Variants in BID observed in about 807,000 individuals in gnomAD.
BID encodes BH3 interacting domain death agonist, also known as BH3-interacting domain death agonist.
In BID, 19 loss-of-function variants were observed where a neutral mutation model predicts 17.4. That is an observed-to-expected ratio of 1.09 (90% CI 0.76 to 1.60). The LOEUF is 1.60. Ranked by LOEUF, BID falls within the 40% of genes most tolerant of loss-of-function variation. BID has a pLI of 0.00. For synonymous variants in BID, 108 were observed against 102.8 expected, an observed-to-expected ratio of 1.05 and a Z score of -0.31; for missense variants, 226 against 256.0, an observed-to-expected ratio of 0.88 and a Z score of 0.80.
At chr22:17,770,896 T>C (rs529368424) in intron 1 of BID, among the ~76,000 whole-genome samples, 1 of 152,340 alleles carries the variant, frequency 6.6e-6, no homozygotes, top group South Asian at 2.1e-4. Flanking sequence ...GGCAGGATGC[T>C]CTGCAGAAAG....
At chr22:17,736,755 GCCTCAACCTC>G (rs2061422723) in intron 5 of BID, among the ~76,000 whole-genome samples, 1 of 151,896 alleles carries the variant, frequency 6.6e-6, no homozygotes, top group African/African-American at 2.4e-5. Context: ...CTGAGGAGCT[GCCTCAACCTC>G]CATGACGGCG....
chr22:17,759,168 T>G (rs1293268371), intron 1 of BID, among the ~76,000 whole-genome samples: 1 of 144,028 alleles, frequency 6.9e-6, no homozygotes, highest in African/African-American at 2.6e-5. Context: ...GAGGCAGAGG[T>G]TGCAGTGAGC....
rs8190296 is a variant in BID at position 17,749,226 on chromosome 22, A to AC, written c.12+878dup. Among the ~76,000 whole-genome samples, 1,484 of 152,236 alleles carry AC rather than the reference A, an allele frequency of 9.7e-3. 12 individuals are homozygous for AC. The highest frequency in any genetic ancestry group is 0.015 in the Non-Finnish European group (1,053 of 68,008). On this transcript the variant is annotated intron_variant, in intron 2 of 5. Coordinates refer to ENST00000622694, the MANE Select transcript of BID (RefSeq NM_001196.4). ...TGTGATGCAGCGGGTGGGAGAGAGC[A>AC]CCCGTGTGCTGTGATTTTTCTCTCC... is the stretch of plus-strand genomic sequence containing the variant.
At chr22:17,754,910 G>A (rs191459455) in intron 1 of BID, among the ~76,000 whole-genome samples, 2 of 151,816 alleles carry the variant, frequency 1.3e-5, no homozygotes, top group African/African-American at 4.8e-5. Flanking sequence ...GACTACAGGT[G>A]TGTGCCACCA....
chr22:17,770,544 T>C (rs1406037042), intron 1 of BID, among the ~76,000 whole-genome samples: 2 of 152,174 alleles, frequency 1.3e-5, no homozygotes, highest in African/African-American at 4.8e-5. Flanking sequence ...AGGAATAAAA[T>C]GAGACATTCA....
chr22:17,751,111 G>T (rs926702219), intron 1 of BID, among the ~76,000 whole-genome samples: 12 of 152,010 alleles, frequency 7.9e-5, no homozygotes, highest in Non-Finnish European at 1.8e-4. Flanking sequence ...GGTGGCTCAC[G>T]CCTGTAATCC....
At chr22:17,737,188 A>G (rs1198353832) in intron 5 of BID, among the ~76,000 whole-genome samples, 2 of 151,716 alleles carry the variant, frequency 1.3e-5, no homozygotes, top group East Asian at 3.9e-4. Context: ...GGCCTCAAGC[A>G]ATCCCACTGC....
At chr22:17,759,246 CA>C (rs61124020) in intron 1 of BID, among the ~76,000 whole-genome samples, 2,702 of 114,778 alleles carry the variant, frequency 0.024, 94 homozygotes, top group African/African-American at 0.08. Flanking sequence ...AAAAACAAAA[CA>C]AAAAAAAAAA....
At chr22:17,749,248 C>T (rs899275045) in intron 2 of BID, among the ~76,000 whole-genome samples, 2 of 152,214 alleles carry the variant, frequency 1.3e-5, no homozygotes, top group African/African-American at 4.8e-5. Flanking sequence ...TGATTTTTCT[C>T]TCCCCAGACC....
In BID at chr22:17,741,596, C is replaced by A. The variant is rs560199953; in HGVS notation, c.224-2108G>T. On this transcript the variant is annotated intron_variant, in intron 3 of 5. Coordinates refer to ENST00000622694, the MANE Select transcript of BID (RefSeq NM_001196.4). ...TCAAACAATTCTCTACCTCAGCCTC[C>A]CAAGTAGCTGGGATTACAGGCACCC... is the stretch of plus-strand genomic sequence containing the variant. Among the ~76,000 whole-genome samples the A allele has an allele frequency of 7.9e-5, 12 of 152,136 alleles. No individual in the cohort carries two copies. In the South Asian group the frequency reaches 2.3e-3, roughly 29 times the overall value.
chr22:17,763,110 T>C lies in BID; in HGVS notation c.-59+11271A>G, dbSNP rs1212318076. Among the ~76,000 whole-genome samples the C allele has an allele frequency of 4.6e-5, 7 of 151,786 alleles. No individual in the cohort carries two copies. In the East Asian group the frequency reaches 1.4e-3, roughly 30 times the overall value. ...CTGGCTGGTCTCAAACTCCTGACCT[T>C]AGGCGATCCACCCGCCTCAGCCTCC... On this transcript the variant is annotated intron_variant, in intron 1 of 5. Transcript: ENST00000622694.
chr22:17,764,695 A>C (rs1461720914), intron 1 of BID, among the ~76,000 whole-genome samples: 1 of 152,230 alleles, frequency 6.6e-6, no homozygotes, highest in Non-Finnish European at 1.5e-5. Flanking sequence ...GCCCGGGTAC[A>C]GATACCACAA....
At chr22:17,761,664 A>G (rs1429739091) in intron 1 of BID, among the ~76,000 whole-genome samples, 2 of 152,072 alleles carry the variant, frequency 1.3e-5, no homozygotes, top group Non-Finnish European at 2.9e-5. Context: ...ATCTCCTGAC[A>G]TCGTCGTGAT....
intron 2 of BID, 47 bp downstream of exon 2, chr22:17,750,058 T>G: frequency 6.3e-7 from 1 of 1,584,822 alleles, no homozygotes; most frequent in East Asian, 2.3e-5. Context: ...CCCTTACCCC[T>G]CGACCCCGCC....
intron 1 of BID, among the ~76,000 whole-genome samples, chr22:17,755,979 T>C (rs915340605): frequency 6.6e-6 from 1 of 152,098 alleles, no homozygotes; most frequent in Admixed American, 6.6e-5. Context: ...GCAAGTCTCC[T>C]GCCTCAGCCT....
intron 1 of BID, among the ~76,000 whole-genome samples, chr22:17,757,006 G>A (rs1299244689): frequency 9.8e-6 from 1 of 102,434 alleles, no homozygotes; most frequent in African/African-American, 3.1e-5. Context: ...GTGTCAAACA[G>A]CAATGAGGGC....
chr22:17,760,688 G>T (rs1047815030), intron 1 of BID, among the ~76,000 whole-genome samples: 4 of 152,094 alleles, frequency 2.6e-5, no homozygotes, highest in Admixed American at 1.3e-4. Context: ...CCCTGGCCCG[G>T]CGCGCTGGGG....
rs2061475937 is a variant in BID, at chr22:17,743,683, G to A, written c.223+120C>T. On this transcript the variant is annotated intron_variant, in intron 3 of 5. Transcript: ENST00000622694. ...TGATTAAGTGATACCAGCGTACGTG[G>A]CAGCTGAAACTGCAGAGGCAGAGTG... The A allele has an allele frequency of 3.0e-6, 3 of 1,007,868 alleles. No homozygotes were observed. In the South Asian group the frequency reaches 4.9e-5, roughly 16 times the overall value. 62.4% of individuals were successfully genotyped at this position (1,007,868 alleles called of 1,614,324 possible).
At chr22:17,746,519 C>T (rs1028944044) in intron 2 of BID, among the ~76,000 whole-genome samples, 1 of 152,202 alleles carries the variant, frequency 6.6e-6, no homozygotes, top group Admixed American at 6.5e-5. Flanking sequence ...TCATTCCTGC[C>T]TCAAGCGACA....
Sources: gnomAD v4.1 joint callset for allele counts (sites outside exome capture counted in the v4.1 genomes callset) on GRCh38, gnomAD v4.1.1 for gene constraint, MANE v1.5 for transcripts, NCBI Gene and HGNC (gene_info 2026-07-23, HGNC 2026-07-21) for gene names.